The following RBFOX1 variants were observed in gnomAD, a reference collection of about 807,000 sequenced individuals.
The protein encoded by RBFOX1 is RNA binding protein fox-1 homolog 1.
In RBFOX1, 8 loss-of-function variants were observed where a neutral mutation model predicts 57.7. The ratio of observed to expected loss-of-function variants is 0.14; its 90% confidence interval spans 0.08 to 0.25. The LOEUF (loss-of-function observed/expected upper bound fraction) is 0.25. Among genes scored for constraint, RBFOX1 ranks in the 10% least tolerant of loss-of-function variants. The probability of loss-of-function intolerance (pLI) is 1.00; values close to 1 mark genes in which losing one functional copy is unlikely to be tolerated. For synonymous variants in RBFOX1, 326 were observed against 222.4 expected, an observed-to-expected ratio of 1.47 and a Z score of -4.15; for missense variants, 611 against 548.5, an observed-to-expected ratio of 1.11 and a Z score of -1.14.
intron 4 of RBFOX1, among the ~76,000 whole-genome samples, chr16:7,304,653 C>T (rs933252597): frequency 2.0e-5 from 3 of 152,124 alleles, no homozygotes; most frequent in Non-Finnish European, 2.9e-5. Flanking sequence ...GGAGCCCGGG[C>T]ACCTCGCGCT....
intron 4 of RBFOX1, among the ~76,000 whole-genome samples, chr16:7,109,847 G>C (rs143446103): frequency 6.6e-6 from 1 of 152,264 alleles, no homozygotes; most frequent in African/African-American, 2.4e-5. Context: ...GATGAGGTGA[G>C]GTGCTAGGAC....
rs77769559 is a variant in RBFOX1, at chr16:7,701,831, A to C, written c.996-7225A>C. Among the ~76,000 whole-genome samples the C allele has an allele frequency of 1.0e-2, 1,519 of 152,358 alleles. 30 individuals carry two copies. The highest frequency in any genetic ancestry group is 0.034 in the African/African-American group (1,426 of 41,588). On this transcript the variant is annotated intron_variant, in intron 14 of 15. Transcript: ENST00000550418. The stretch of plus-strand genomic sequence containing the variant: ...TGACCCTTGTAGAGTGAAAGTGAAC[A>C]GGAACATTTCCTAGATAAACCATTG...
At chr16:5,405,747 A>C (rs887474900) in intron 1 of RBFOX1, among the ~76,000 whole-genome samples, 5 of 152,314 alleles carry the variant, frequency 3.3e-5, no homozygotes, top group African/African-American at 1.2e-4. Context: ...AGCCAGTTAC[A>C]GTAATCCCTT....
chr16:6,977,969 A>C (rs2087554586), intron 3 of RBFOX1, among the ~76,000 whole-genome samples: 1 of 132,844 alleles, frequency 7.5e-6, no homozygotes. Context: ...CTCCTTTCCC[A>C]ATGTGGCTGA....
intron 2 of RBFOX1, among the ~76,000 whole-genome samples, chr16:5,508,533 A>C (rs931209503): frequency 6.6e-5 from 10 of 152,194 alleles, no homozygotes; most frequent in African/African-American, 2.4e-4. Context: ...GGGAGATTGC[A>C]CAGAGTGATT....
rs1214593229 is a variant in RBFOX1, at chr16:6,072,620, T to A, written c.-127+52628T>A. 4.6e-5 allele frequency among the ~76,000 whole-genome samples: 7 copies of A among 151,952 alleles called. No homozygotes were observed. The East Asian group carries it at 1.2e-3, about 25-fold the overall frequency. On this transcript the variant is annotated intron_variant, in intron 1 of 15. Coordinates refer to ENST00000550418, the MANE Select transcript of RBFOX1 (RefSeq NM_018723.4). ...TTCCACTTCCAGGCCAACAATTGTT[T>A]TTTTTTTTTAATTTTTCATTTTTTT...
At chr16:6,886,784 A>C (rs960422828) in intron 3 of RBFOX1, among the ~76,000 whole-genome samples, 4 of 113,594 alleles carry the variant, frequency 3.5e-5, no homozygotes, top group African/African-American at 1.4e-4. Context: ...AAAACAAAAC[A>C]AAAAAAAAAC....
chr16:5,745,067 A>T (rs919357106), intron 3 of RBFOX1, among the ~76,000 whole-genome samples: 1 of 152,212 alleles, frequency 6.6e-6, no homozygotes, highest in Middle Eastern at 3.4e-3. Flanking sequence ...TACATTAGGT[A>T]TATCTCCCAG....
intron 3 of RBFOX1, among the ~76,000 whole-genome samples, chr16:5,814,637 T>C (rs2055557168): frequency 6.6e-6 from 1 of 152,282 alleles, no homozygotes; most frequent in South Asian, 2.1e-4. Flanking sequence ...CATTTAAAAA[T>C]TTTATTCCTG....
chr16:6,447,089 C>G (rs1246740763), intron 2 of RBFOX1, among the ~76,000 whole-genome samples: 1 of 152,158 alleles, frequency 6.6e-6, no homozygotes, highest in Non-Finnish European at 1.5e-5. Flanking sequence ...ACTTCGAAAA[C>G]CGCACACCAG....
intron 4 of RBFOX1, among the ~76,000 whole-genome samples, chr16:7,217,752 C>T (rs1173972897): frequency 2.0e-5 from 3 of 152,122 alleles, no homozygotes; most frequent in Admixed American, 1.3e-4. Flanking sequence ...GTAAAGATTG[C>T]AAGGAGACAT....
chr16:5,386,777 G>A (rs188014989), intron 1 of RBFOX1, among the ~76,000 whole-genome samples: 31 of 152,306 alleles, frequency 2.0e-4, no homozygotes, highest in African/African-American at 6.7e-4. Context: ...TGGGCCAGGC[G>A]TGGTGGCTCA....
intron 3 of RBFOX1, among the ~76,000 whole-genome samples, chr16:6,802,984 C>G (rs916970735): frequency 3.3e-5 from 5 of 152,114 alleles, no homozygotes; most frequent in East Asian, 3.9e-4. Flanking sequence ...TTCTCCTTTT[C>G]TAATCTGTTC....
intron 14 of RBFOX1, among the ~76,000 whole-genome samples, chr16:7,701,615 G>T (rs1269538106): frequency 6.6e-6 from 1 of 152,196 alleles, no homozygotes; most frequent in African/African-American, 2.4e-5. Flanking sequence ...TAGGTGTTTA[G>T]GGACTGGTTT....
intron 3 of RBFOX1, among the ~76,000 whole-genome samples, chr16:7,050,007 C>A (rs1327180492): frequency 6.6e-6 from 1 of 152,156 alleles, no homozygotes; most frequent in Non-Finnish European, 1.5e-5. Flanking sequence ...GCAGTCACTC[C>A]TCCTTTTCCA....
chr16:5,485,206 C>T (rs1440610691), intron 2 of RBFOX1, among the ~76,000 whole-genome samples: 2 of 151,710 alleles, frequency 1.3e-5, no homozygotes, highest in Non-Finnish European at 1.5e-5. Context: ...ATTAGCCTGG[C>T]GTAGTGGCAG....
intron 3 of RBFOX1, among the ~76,000 whole-genome samples, chr16:5,638,979 G>T (rs752719290): frequency 7.9e-5 from 12 of 152,154 alleles, no homozygotes; most frequent in Non-Finnish European, 1.6e-4. Context: ...CCTGCAGGTT[G>T]TCACAGGAGG....
chr16:5,508,931 G>C (rs1001951728), intron 2 of RBFOX1, among the ~76,000 whole-genome samples: 1 of 152,178 alleles, frequency 6.6e-6, no homozygotes. Context: ...CTCCAGCATA[G>C]GAACCCTCTA....
intron 4 of RBFOX1, among the ~76,000 whole-genome samples, chr16:5,898,353 A>C (rs1421860384): frequency 6.6e-6 from 1 of 152,116 alleles, no homozygotes; most frequent in Non-Finnish European, 1.5e-5. Flanking sequence ...GCAAGATCTT[A>C]ACTCTTCTAC....
Sources: gnomAD v4.1 joint callset for allele counts (sites outside exome capture counted in the v4.1 genomes callset) on GRCh38, gnomAD v4.1.1 for gene constraint, MANE v1.5 for transcripts, NCBI Gene and HGNC (gene_info 2026-07-23, HGNC 2026-07-21) for gene names.